The following TEK variants were observed in gnomAD, a reference collection of about 807,000 sequenced individuals.
TEK encodes TEK receptor tyrosine kinase, also known as angiopoietin-1 receptor.
In TEK, 43 loss-of-function variants were observed where a neutral mutation model predicts 131.8. That is an observed-to-expected ratio of 0.33 (90% confidence interval 0.26 to 0.42). The LOEUF is 0.42. TEK is among the 10% of genes least tolerant of loss of function. The pLI, the probability that TEK is intolerant of heterozygous loss-of-function variation, is 1.00. For synonymous variants in TEK, 580 were observed against 491.6 expected (o/e 1.18, Z -2.38); for missense variants, 1,162 against 1,384.4 (o/e 0.84, Z 2.55).
At chr9:27,156,027 TC>T (rs756811220) in intron 1 of TEK, among the ~76,000 whole-genome samples, 5 of 152,136 alleles carry the variant, frequency 3.3e-5, no homozygotes, top group Admixed American at 1.3e-4. Flanking sequence ...GGTCTCAAAC[TC>T]CTGACCTCAG....
intron 1 of TEK, among the ~76,000 whole-genome samples, chr9:27,114,638 T>C (rs1352670261): frequency 1.3e-5 from 2 of 152,194 alleles, no homozygotes; most frequent in Admixed American, 6.5e-5. Flanking sequence ...CAGTTACTTT[T>C]GCACCAATCT....
At chr9:27,150,409 C>G (rs1823081080) in intron 1 of TEK, among the ~76,000 whole-genome samples, 1 of 152,112 alleles carries the variant, frequency 6.6e-6, no homozygotes, top group Admixed American at 6.5e-5. Flanking sequence ...AGGTTCGAGA[C>G]CAGCCTAGGC....
chr9:27,172,924 C>T (rs1409664827), intron 5 of TEK, among the ~76,000 whole-genome samples, 177 bp downstream of exon 5: 2 of 152,074 alleles, frequency 1.3e-5, no homozygotes, highest in Non-Finnish European at 2.9e-5. Flanking sequence ...TTAATGCCAA[C>T]CACTGGAAAG....
chr9:27,176,935 C>T (rs888372728), intron 6 of TEK, among the ~76,000 whole-genome samples: 1 of 152,186 alleles, frequency 6.6e-6, no homozygotes, highest in Non-Finnish European at 1.5e-5. Flanking sequence ...AGAGATCTTA[C>T]AGTATTGGTC....
At position 27,213,432 on chromosome 9, in the gene TEK, G is replaced by C. The variant is rs938526283; in HGVS notation, c.2878-52G>C. 5 of 1,374,160 alleles carry C rather than the reference G, an allele frequency of 3.6e-6. No individual in the cohort carries two copies. In the Admixed American group the frequency reaches 5.0e-5, roughly 14 times the overall value. 85.1% of individuals were successfully genotyped at this position (1,374,160 alleles called of 1,614,324 possible). Reference sequence around the variant, plus strand: ...TCTTTCCTGTTCCCCAAAGTTTTCAGCCCTGGGGCTTTCATTAGGCTGAAA... The same window carrying C: ...TCTTTCCTGTTCCCCAAAGTTTTCACCCCTGGGGCTTTCATTAGGCTGAAA... On this transcript the variant is annotated intron_variant, in intron 17 of 22. Transcript: ENST00000380036.
At chr9:27,212,625 A>G in intron 16 of TEK, 82 bp from the exon 17 acceptor site, 1 of 1,482,794 alleles carries the variant, frequency 6.7e-7, no homozygotes, top group Admixed American at 1.7e-5. Flanking sequence ...TGGAGTTTAT[A>G]GGCAATTTCC....
chr9:27,135,109 C>A (rs947603642), intron 1 of TEK, among the ~76,000 whole-genome samples: 1 of 151,740 alleles, frequency 6.6e-6, no homozygotes, highest in Non-Finnish European at 1.5e-5. Flanking sequence ...CCTGTAATCC[C>A]GCTACTTGGG....
At chr9:27,173,872 G>A (rs1159355320) in intron 6 of TEK, among the ~76,000 whole-genome samples, 1 of 150,706 alleles carries the variant, frequency 6.6e-6, no homozygotes, top group African/African-American at 2.4e-5. Flanking sequence ...TGAAGCTGCA[G>A]TGAGCTATGA....
intron 1 of TEK, among the ~76,000 whole-genome samples, chr9:27,142,150 T>C (rs1822748633): frequency 6.6e-6 from 1 of 152,038 alleles, no homozygotes; most frequent in African/African-American, 2.4e-5. Flanking sequence ...TGAAAAGGAA[T>C]GTGAGGGACA....
At chr9:27,215,036 G>C (rs1825767201) in intron 18 of TEK, among the ~76,000 whole-genome samples, 1 of 152,100 alleles carries the variant, frequency 6.6e-6, no homozygotes, top group Admixed American at 6.6e-5. Context: ...CCTTTTCCCT[G>C]CTTTACTCCA....
intron 11 of TEK, among the ~76,000 whole-genome samples, chr9:27,196,751 G>A (rs368548029): frequency 4.0e-5 from 6 of 148,222 alleles, no homozygotes; most frequent in African/African-American, 7.6e-5. Flanking sequence ...GAGGGGGGGC[G>A]GTGCTATACA....
intron 2 of TEK, among the ~76,000 whole-genome samples, chr9:27,166,769 G>T (rs369663124): frequency 2.6e-5 from 4 of 152,102 alleles, no homozygotes; most frequent in African/African-American, 9.7e-5. Flanking sequence ...GTGTGTTTTA[G>T]AATTGAGATT....
At chr9:27,194,121 T>G (rs1024080230) in intron 11 of TEK, among the ~76,000 whole-genome samples, 11 of 152,194 alleles carry the variant, frequency 7.2e-5, no homozygotes, top group African/African-American at 2.7e-4. Flanking sequence ...CTCCATATCC[T>G]TTTGTTTCTC....
chr9:27,176,573 A>AT (rs1370071544), intron 6 of TEK, among the ~76,000 whole-genome samples: 1 of 152,224 alleles, frequency 6.6e-6, no homozygotes, highest in Non-Finnish European at 1.5e-5. Context: ...CTAAATAAAA[A>AT]TTGTATGTAG....
At chr9:27,135,107 C>CT (rs1822370968) in intron 1 of TEK, among the ~76,000 whole-genome samples, 1 of 106,630 alleles carries the variant, frequency 9.4e-6, no homozygotes, top group Non-Finnish European at 2.1e-5. Context: ...TGCCTGTAAT[C>CT]CCGCTACTTG....
intron 1 of TEK, among the ~76,000 whole-genome samples, chr9:27,116,837 G>A (rs1821579506): frequency 6.6e-6 from 1 of 151,140 alleles, no homozygotes; most frequent in Non-Finnish European, 1.5e-5. Flanking sequence ...GAGAATTGCT[G>A]CTGTAGCAGC....
chr9:27,137,720 G>GA (rs756772250), intron 1 of TEK, among the ~76,000 whole-genome samples: 3 of 152,162 alleles, frequency 2.0e-5, no homozygotes, highest in Non-Finnish European at 4.4e-5. Context: ...GTTACAAAGA[G>GA]ATCCCAGAGG....
chr9:27,172,892 G>T, intron 5 of TEK, 145 bp downstream of exon 5: 1 of 1,188,000 alleles, frequency 8.4e-7, no homozygotes. Context: ...ATTAGAAAAA[G>T]GTGCCTTTTC....
intron 1 of TEK, among the ~76,000 whole-genome samples, chr9:27,113,687 C>G (rs975418036): frequency 1.3e-5 from 2 of 152,174 alleles, no homozygotes; most frequent in African/African-American, 2.4e-5. Context: ...ATCTAATCTG[C>G]CCCAGGATGT....
Sources: gnomAD v4.1 joint callset for allele counts (sites outside exome capture counted in the v4.1 genomes callset) on GRCh38, gnomAD v4.1.1 for gene constraint, MANE v1.5 for transcripts, NCBI Gene and HGNC (gene_info 2026-07-23, HGNC 2026-07-21) for gene names.